AMPH: variants seen among roughly 807,000 people sequenced by gnomAD.
AMPH encodes the protein amphiphysin (Stiff-Mann syndrome with breast cancer 128kD autoantigen).
AMPH carries 49 observed loss-of-function variants against 99.1 expected under a neutral mutation model. The observed-to-expected ratio is 0.49, with a 90% CI of 0.39 to 0.63. The LOEUF is 0.63. Ranked by LOEUF, AMPH falls within the 20% of genes least tolerant of loss-of-function variation. The pLI, the probability that AMPH is intolerant of heterozygous loss-of-function variation, is 0.00. For synonymous variants in AMPH, 314 were observed against 317.3 expected, an observed-to-expected ratio of 0.99 and a Z score of 0.11; for missense variants, 759 against 863.4, an observed-to-expected ratio of 0.88 and a Z score of 1.52.
At chr7:38,439,605 G>C (rs1584093164) in intron 11 of AMPH, among the ~76,000 whole-genome samples, 1 of 152,136 alleles carries the variant, frequency 6.6e-6, no homozygotes, top group Non-Finnish European at 1.5e-5. Flanking sequence ...ATCACAATTA[G>C]AGTACACATG....
At chr7:38,441,798 T>G (rs1265726589) in intron 11 of AMPH, among the ~76,000 whole-genome samples, 8 of 77,892 alleles carry the variant, frequency 1.0e-4, no homozygotes, top group Non-Finnish European at 2.2e-4. Flanking sequence ...GTCATATATA[T>G]CATATATATA....
At chr7:38,476,278 A>C (rs1788082804) in intron 6 of AMPH, among the ~76,000 whole-genome samples, 1 of 152,174 alleles carries the variant, frequency 6.6e-6, no homozygotes, top group Non-Finnish European at 1.5e-5. Context: ...AAACCATTAA[A>C]AGACTTAAGC....
chr7:38,553,403 G>A (rs1791246214), intron 1 of AMPH, among the ~76,000 whole-genome samples: 1 of 152,194 alleles, frequency 6.6e-6, no homozygotes, highest in African/African-American at 2.4e-5. Flanking sequence ...CTGTTCCAGT[G>A]TACCCATCCT....
chr7:38,535,451 C>A (rs1790563128), intron 1 of AMPH, among the ~76,000 whole-genome samples: 1 of 152,182 alleles, frequency 6.6e-6, no homozygotes, highest in Non-Finnish European at 1.5e-5. Flanking sequence ...GGTCCCCAAA[C>A]TTTTTGGCAC....
At chr7:38,494,923 A>G (rs1389465341) in intron 3 of AMPH, among the ~76,000 whole-genome samples, 1 of 152,220 alleles carries the variant, frequency 6.6e-6, no homozygotes, top group African/African-American at 2.4e-5. Context: ...ATTTAAATAC[A>G]TGGCATAAAG....
intron 4 of AMPH, among the ~76,000 whole-genome samples, chr7:38,493,980 G>A (rs1191872214): frequency 1.3e-5 from 2 of 152,076 alleles, no homozygotes; most frequent in Non-Finnish European, 2.9e-5. Flanking sequence ...TCTTCGAGAT[G>A]GAGTCTTGCT....
intron 9 of AMPH, among the ~76,000 whole-genome samples, chr7:38,464,253 G>A (rs1211673882): frequency 1.3e-5 from 2 of 152,052 alleles, no homozygotes; most frequent in African/African-American, 4.8e-5. Flanking sequence ...ATTTTTTCAT[G>A]CACTTCATTT....
intron 2 of AMPH, among the ~76,000 whole-genome samples, chr7:38,521,557 T>C (rs1789963363): frequency 6.6e-6 from 1 of 152,116 alleles, no homozygotes; most frequent in South Asian, 2.1e-4. Context: ...TGGAGCCAGA[T>C]ACATTTTTTA....
At chr7:38,434,250 T>C (rs1786168986) in intron 12 of AMPH, among the ~76,000 whole-genome samples, 1 of 152,168 alleles carries the variant, frequency 6.6e-6, no homozygotes, top group African/African-American at 2.4e-5. Flanking sequence ...TAAACCAAGG[T>C]CATTTTTGTT....
chr7:38,477,390 AT>A (rs1240625093), intron 5 of AMPH, among the ~76,000 whole-genome samples: 1 of 152,182 alleles, frequency 6.6e-6, no homozygotes, highest in Admixed American at 6.5e-5. Context: ...ACCAACAGCA[AT>A]TCTATAAAAA....
chr7:38,558,276 T>C (rs1187500505), intron 1 of AMPH, among the ~76,000 whole-genome samples: 1 of 152,162 alleles, frequency 6.6e-6, no homozygotes, highest in East Asian at 1.9e-4. Flanking sequence ...TCAAGGGCAA[T>C]GCACTGATGG....
rs1562742830 is a variant in AMPH at position 38,422,591 on chromosome 7, TATCTATCTATCCATCTATC to T, written c.1216-133_1216-115del. On this transcript the variant is annotated intron_variant, in intron 15 of 20. Coordinates refer to ENST00000356264, the MANE Select transcript of AMPH (RefSeq NM_001635.4). ...CTATCTATCTATCTATCTATCTATC[TATCTATCTATCCATCTATC>T]TATCGACACTCTATCTATCTAATTT... 1.3e-4 allele frequency: 95 copies of T among 741,040 alleles called. 1 individual carries two copies. Among genetic ancestry groups the T allele is most frequent in the South Asian group, 9.0e-4 (50 of 55,500 alleles). The allele number at this position is 741,040 out of a possible 1,614,324, so 45.9% of individuals were successfully genotyped here. A position where few individuals can be genotyped will look rare whatever the true frequency, so the allele number is the denominator to read the frequency against.
chr7:38,591,761 C>G (rs1792866104), intron 1 of AMPH, among the ~76,000 whole-genome samples: 1 of 152,230 alleles, frequency 6.6e-6, no homozygotes, highest in Non-Finnish European at 1.5e-5. Context: ...TTACCACCTC[C>G]CTAATTCTGT....
At chr7:38,571,282 T>TATATATAGAAG (rs1791998838) in intron 1 of AMPH, among the ~76,000 whole-genome samples, 1 of 41,116 alleles carries the variant, frequency 2.4e-5, no homozygotes, top group Non-Finnish European at 4.1e-5. Context: ...TATATATTTT[T>TATATATAGAAG]ATATATATTT....
chr7:38,593,996 G>C (rs1002814781), intron 1 of AMPH, among the ~76,000 whole-genome samples: 7 of 152,194 alleles, frequency 4.6e-5, no homozygotes, highest in African/African-American at 1.7e-4. Flanking sequence ...AACATGGAGA[G>C]CCAACCGGGG....
Position 38,631,371 on chromosome 7 carries a change from T to C in AMPH, c.-20A>G. The C allele has an allele frequency of 6.5e-7, 1 of 1,537,210 alleles. No individual in the cohort carries two copies. The highest frequency in any genetic ancestry group is 8.7e-7 in the Non-Finnish European group (1 of 1,143,198). On this transcript the variant is annotated 5_prime_UTR_variant, in exon 1 of 21. Coordinates refer to ENST00000356264, the MANE Select transcript of AMPH (RefSeq NM_001635.4). ...GGCCATGGCTGCGGGTCCGGGGAGC[T>C]GCGAAGAGCAGAGCGCGCAGCGGGG... is the stretch of plus-strand genomic sequence containing the variant.
At chr7:38,426,496 G>C (rs1248373186) in intron 15 of AMPH, among the ~76,000 whole-genome samples, 1 of 152,164 alleles carries the variant, frequency 6.6e-6, no homozygotes, top group Non-Finnish European at 1.5e-5. Context: ...GGCTCCTATA[G>C]GAATCTCTAG....
rs140959750 is a variant in AMPH at position 38,407,262 on chromosome 7, T to A, written c.1398+10563A>T. Among the ~76,000 whole-genome samples, 528 of 145,068 alleles carry A rather than the reference T, an allele frequency of 3.6e-3. 8 individuals carry two copies. Among genetic ancestry groups the A allele is most frequent in the African/African-American group, 0.013 (505 of 39,788 alleles). ...AGATATATCTGTATCTAACTATCTA[T>A]CTATCTAGCTAGCTAGCTTTCTATC... is the stretch of plus-strand genomic sequence containing the variant. On this transcript the variant is annotated intron_variant, in intron 17 of 20. Coordinates refer to ENST00000356264, the MANE Select transcript of AMPH (RefSeq NM_001635.4).
intron 17 of AMPH, among the ~76,000 whole-genome samples, chr7:38,417,155 T>G (rs998841384): frequency 6.6e-6 from 1 of 152,214 alleles, no homozygotes; most frequent in African/African-American, 2.4e-5. Context: ...GGTATTACAA[T>G]GTCCAATTCT....
Sources: gnomAD v4.1 joint callset for allele counts (sites outside exome capture counted in the v4.1 genomes callset) on GRCh38, gnomAD v4.1.1 for gene constraint, MANE v1.5 for transcripts, NCBI Gene and HGNC (gene_info 2026-07-23, HGNC 2026-07-21) for gene names.